The following GPX1 variants were observed in gnomAD, a reference collection of about 807,000 sequenced individuals.
GPX1 encodes GSHPx-1.
Under a neutral mutation model 11.5 loss-of-function variants are expected in GPX1, and 8 were observed. That is an observed-to-expected ratio of 0.70 (90% CI 0.41 to 1.25). GPX1 has a LOEUF of 1.25. Ranked by LOEUF, GPX1 falls within the 50% of genes most tolerant of loss-of-function variation. The pLI is 0.01. For synonymous variants in GPX1, 142 were observed against 127.8 expected (o/e 1.11, Z -0.75); for missense variants, 266 against 284.3 (o/e 0.94, Z 0.46).
In GPX1 at chr3:49,357,593, G is replaced by C; in HGVS notation, c.407C>G (p.Pro136Arg). 1 of 1,613,150 alleles carries C rather than the reference G, an allele frequency of 6.2e-7. No homozygotes were observed. The highest frequency in any genetic ancestry group is 8.5e-7 in the Non-Finnish European group (1 of 1,179,880). The part of the protein sequence containing the change: ...FAFLREALPA[P>R]SDDATALMTD... The stretch of plus-strand genomic sequence containing the variant: ...CATAAGCGCGGTGGCGTCGTCGCTG[G>C]GAGCTGGCAGGGCCTCCCGCAGGAA... Residue 136 changes from proline (P) to arginine (R), a missense_variant, in exon 2 of 2, where the codon CCC becomes CGC. Coordinates refer to ENST00000419783, the MANE Select transcript of GPX1 (RefSeq NM_000581.4).
At position 49,358,198 on chromosome 3, in the gene GPX1, C is replaced by A; in HGVS notation, c.81G>T (p.Gly27=). The A allele has an allele frequency of 1.3e-6, 2 of 1,562,058 alleles. No homozygotes were observed. The highest frequency in any genetic ancestry group is 1.7e-6 in the Non-Finnish European group (2 of 1,153,752). The part of the protein sequence containing the change: ...YAFSARPLAG[G]EPVSLGSLRG... ...GCAGGGAGCCCAGGCTCACAGGCTCCCCGCCGGCCAGCGGGCGCGCCGAGA... is the reference window on the plus strand; with the variant it reads ...GCAGGGAGCCCAGGCTCACAGGCTCACCGCCGGCCAGCGGGCGCGCCGAGA... The change falls in exon 1 of 2, where the codon GGG becomes GGT. Residue 27 remains glycine (G), a synonymous_variant. Transcript: ENST00000419783.
chr3:49,357,950 A>ACCCACCAGCACACCGCCTGC (rs1559489492), intron 1 of GPX1, 77 bp downstream of exon 1: 18 of 1,516,348 alleles, frequency 1.2e-5, no homozygotes, highest in Admixed American at 4.3e-5. Flanking sequence ...AGCCGACGGC[A>ACCCACCAGCACACCGCCTGC]CCCACCAGCA....
chr3:49,357,920 G>C (rs1575634232), intron 1 of GPX1, 107 bp downstream of exon 1: 1 of 1,495,544 alleles, frequency 6.7e-7, no homozygotes, highest in Non-Finnish European at 8.9e-7. Flanking sequence ...CGAGAGAGTA[G>C]CCAGACTCTC....
Position 49,357,579 on chromosome 3 carries a change from T to C in GPX1, c.421A>G (p.Thr141Ala), listed in dbSNP as rs745629022. The stretch of plus-strand genomic sequence containing the variant: ...AGCTTGGGGTCGGTCATAAGCGCGG[T>C]GGCGTCGTCGCTGGGAGCTGGCAGG... Reference protein sequence around the residue: ...EALPAPSDDATALMTDPKLIT... With the variant: ...EALPAPSDDAAALMTDPKLIT... Residue 141 changes from threonine (T) to alanine (A), a missense_variant, in exon 2 of 2, where the codon ACC (threonine) becomes GCC (alanine). Transcript: ENST00000419783. The C allele has an allele frequency of 1.2e-6, 2 of 1,611,866 alleles. No homozygotes were observed. The highest frequency in any genetic ancestry group is 1.7e-6 in the Non-Finnish European group (2 of 1,179,624).
intron 1 of GPX1, 101 bp downstream of exon 1, chr3:49,357,926 C>A: frequency 6.7e-7 from 1 of 1,500,872 alleles, no homozygotes; most frequent in East Asian, 2.4e-5. Context: ...AGTAGCCAGA[C>A]TCTCCGCGCA....
rs1019268907 is a variant in GPX1, at chr3:49,358,282, G to A, written c.-4C>T. ...CCGCTAGCCGAGCAGCACACATGGCGCAATTGTCCAAGAAGCCAGCGGAGC... is the reference window on the plus strand; with the variant it reads ...CCGCTAGCCGAGCAGCACACATGGCACAATTGTCCAAGAAGCCAGCGGAGC... On this transcript the variant is annotated 5_prime_UTR_variant, in exon 1 of 2. Coordinates refer to ENST00000419783, the MANE Select transcript of GPX1 (RefSeq NM_000581.4). 18 of 1,536,398 alleles carry A rather than the reference G, an allele frequency of 1.2e-5. No individual in the cohort carries two copies. The highest frequency in any genetic ancestry group is 2.4e-5 in the South Asian group (2 of 82,806).
chr3:49,357,327 T>C lies in GPX1; in HGVS notation c.*61A>G. ...GGTTTAGAGGAAACACCCTCATAGA[T>C]GAAAACCCCCCCGAGACAGCAGCAC... On this transcript the variant is annotated 3_prime_UTR_variant, in exon 2 of 2. Transcript: ENST00000419783. 1.2e-5 allele frequency: 18 copies of C among 1,515,758 alleles called. No individual in the cohort carries two copies. The highest frequency in any genetic ancestry group is 1.6e-5 in the Non-Finnish European group (18 of 1,111,894). The allele number at this position is 1,515,758 out of a possible 1,614,324, so 93.9% of individuals were successfully genotyped here. A position where few individuals can be genotyped will look rare whatever the true frequency, so the allele number is the denominator to read the frequency against.
chr3:49,357,727 C>G lies in GPX1; in HGVS notation c.273G>C (p.Glu91Asp). 6.2e-7 allele frequency: 1 copy of G among 1,607,074 alleles called. No homozygotes were observed. The highest frequency in any genetic ancestry group is 2.2e-5 in the East Asian group (1 of 44,678). Residue 91 changes from glutamate (E) to aspartate (D), a missense_variant, in exon 2 of 2, where the codon GAG becomes GAC. Coordinates refer to ENST00000419783, the MANE Select transcript of GPX1 (RefSeq NM_000581.4). Reference sequence around the variant, plus strand: ...GGACGTACTTGAGGGAATTCAGAATCTCTTCGTTCTTGGCGTTCTCCTACA... The same window carrying G: ...GGACGTACTTGAGGGAATTCAGAATGTCTTCGTTCTTGGCGTTCTCCTACA... The part of the protein sequence containing the change: ...FGHQENAKNE[E>D]ILNSLKYVRP...
rs1183063661 is a variant in GPX1 at position 49,358,285 on chromosome 3, A to G, written c.-7T>C. The G allele has an allele frequency of 2.3e-5, 35 of 1,535,062 alleles. No individual in the cohort carries two copies. Among genetic ancestry groups the G allele is most frequent in the Non-Finnish European group, 2.9e-5 (33 of 1,138,866 alleles). On this transcript the variant is annotated 5_prime_UTR_variant, in exon 1 of 2. Transcript: ENST00000419783. ...CTAGCCGAGCAGCACACATGGCGCA[A>G]TTGTCCAAGAAGCCAGCGGAGCGCC... is the stretch of plus-strand genomic sequence containing the variant.
At chr3:49,357,959 C>A (rs1559489517) in intron 1 of GPX1, 68 bp downstream of exon 1, 3 of 1,533,836 alleles carry the variant, frequency 2.0e-6, no homozygotes, top group Non-Finnish European at 2.6e-6. Flanking sequence ...CACCCACCAG[C>A]ACACCGCCGG....
chr3:49,357,196 T>G lies in GPX1; in HGVS notation c.*192A>C. On this transcript the variant is annotated 3_prime_UTR_variant, in exon 2 of 2. Coordinates refer to ENST00000419783, the MANE Select transcript of GPX1 (RefSeq NM_000581.4). ...CACAGTTCTGCTGACACCCGGCACT[T>G]TATTAGTGGGGAAACTCGCCTTGGT... 1.7e-6 allele frequency: 1 copy of G among 577,050 alleles called. No homozygotes were observed. Among genetic ancestry groups the G allele is most frequent in the Non-Finnish European group, 3.1e-6 (1 of 321,464 alleles). 35.7% of individuals were successfully genotyped at this position (577,050 alleles called of 1,614,324 possible).
In GPX1 at chr3:49,358,344, GCCT is replaced by G. The variant is rs1038728213; in HGVS notation, c.-69_-67del. 7 of 1,461,792 alleles carry G rather than the reference GCCT, an allele frequency of 4.8e-6. No homozygotes were observed. The highest frequency in any genetic ancestry group is 5.4e-6 in the Non-Finnish European group (6 of 1,102,644). 90.6% of individuals were successfully genotyped at this position (1,461,792 alleles called of 1,614,324 possible). On this transcript the variant is annotated 5_prime_UTR_variant, in exon 1 of 2. Transcript: ENST00000419783. Reference sequence around the variant, plus strand: ...GCACTGTAAGGGGAGGCCAGCAGGCGCCTCCTTTTAACTGGCCGGCGGCGGGTC... The same window carrying G: ...GCACTGTAAGGGGAGGCCAGCAGGCGCCTTTTAACTGGCCGGCGGCGGGTC...
At chr3:49,357,956 C>A (rs770106949) in intron 1 of GPX1, 71 bp downstream of exon 1, 1 of 1,532,306 alleles carries the variant, frequency 6.5e-7, no homozygotes, top group South Asian at 1.2e-5. Context: ...CGGCACCCAC[C>A]AGCACACCGC....
Position 49,357,651 on chromosome 3 carries a change from C to T in GPX1, c.349G>A (p.Val117Met). The change falls in exon 2 of 2, where the codon GTG becomes ATG. Residue 117 changes from valine to methionine, a missense_variant. Coordinates refer to ENST00000419783, the MANE Select transcript of GPX1 (RefSeq NM_000581.4). ...PNFMLFEKCE[V>M]NGAGAHPLFA... Reference sequence around the variant, plus strand: ...AGAGGGTGCGCCCCCGCACCGTTCACCTCGCACTTCTCGAAGAGCATGAAG... The same window carrying T: ...AGAGGGTGCGCCCCCGCACCGTTCATCTCGCACTTCTCGAAGAGCATGAAG... The T allele has an allele frequency of 1.9e-6, 3 of 1,613,630 alleles. No individual in the cohort carries two copies. Among genetic ancestry groups the T allele is most frequent in the Non-Finnish European group, 2.5e-6 (3 of 1,179,950 alleles).
chr3:49,358,281 C>G lies in GPX1; in HGVS notation c.-3G>C, dbSNP rs536748774. 5.2e-6 allele frequency: 8 copies of G among 1,536,506 alleles called. No individual in the cohort carries two copies. In the African/African-American group the frequency reaches 9.6e-5, roughly 18 times the overall value. Reference sequence around the variant, plus strand: ...GCCGCTAGCCGAGCAGCACACATGGCGCAATTGTCCAAGAAGCCAGCGGAG... The same window carrying G: ...GCCGCTAGCCGAGCAGCACACATGGGGCAATTGTCCAAGAAGCCAGCGGAG... On this transcript the variant is annotated 5_prime_UTR_variant, in exon 1 of 2. Transcript: ENST00000419783.
chr3:49,358,268 G>A lies in GPX1; in HGVS notation c.11C>T (p.Ala4Val). The A allele has an allele frequency of 6.5e-7, 1 of 1,541,322 alleles. No homozygotes were observed. The highest frequency in any genetic ancestry group is 8.8e-7 in the Non-Finnish European group (1 of 1,142,738). ...CGCCGCCGCCGCCGCCGCTAGCCGAGCAGCACACATGGCGCAATTGTCCAA... is the reference window on the plus strand; with the variant it reads ...CGCCGCCGCCGCCGCCGCTAGCCGAACAGCACACATGGCGCAATTGTCCAA... MCA[A>V]RLAAAAAAAQ... The change falls in exon 1 of 2, where the codon GCT becomes GTT. Residue 4 changes from alanine (A) to valine (V), a missense_variant. Physicochemically the swap from Ala to Val is moderately conservative, Grantham distance 64. Transcript: ENST00000419783.
Position 49,358,280 on chromosome 3 carries a change from G to A in GPX1, c.-2C>T, listed in dbSNP as rs1196455627. 5 of 1,537,226 alleles carry A rather than the reference G, an allele frequency of 3.3e-6. No homozygotes were observed. The highest frequency in any genetic ancestry group is 4.4e-6 in the Non-Finnish European group (5 of 1,140,120). On this transcript the variant is annotated 5_prime_UTR_variant, in exon 1 of 2. Coordinates refer to ENST00000419783, the MANE Select transcript of GPX1 (RefSeq NM_000581.4). ...CGCCGCTAGCCGAGCAGCACACATG[G>A]CGCAATTGTCCAAGAAGCCAGCGGA...
At chr3:49,357,922 C>T (rs1575634245) in intron 1 of GPX1, 105 bp downstream of exon 1, 1 of 1,504,416 alleles carries the variant, frequency 6.6e-7, no homozygotes, top group East Asian at 2.4e-5. Flanking sequence ...AGAGAGTAGC[C>T]AGACTCTCCG....
chr3:49,358,219 C>G lies in GPX1; in HGVS notation c.60G>C (p.Ser20=), dbSNP rs761624671. 6 of 1,543,218 alleles carry G rather than the reference C, an allele frequency of 3.9e-6. No homozygotes were observed. Among genetic ancestry groups the G allele is most frequent in the Non-Finnish European group, 5.2e-6 (6 of 1,146,134 alleles). Residue 20 remains serine, a synonymous_variant, in exon 1 of 2, where the codon TCG becomes TCC. Coordinates refer to ENST00000419783, the MANE Select transcript of GPX1 (RefSeq NM_000581.4). ...GCTCCCCGCCGGCCAGCGGGCGCGCCGAGAAGGCATACACCGACTGGGCCG... is the reference window on the plus strand; with the variant it reads ...GCTCCCCGCCGGCCAGCGGGCGCGCGGAGAAGGCATACACCGACTGGGCCG... ...AAAAQSVYAF[S]ARPLAGGEPV...
Sources: allele counts gnomAD v4.1 joint callset, GRCh38; gene constraint gnomAD v4.1.1; transcripts MANE v1.5; gene names NCBI Gene and HGNC (gene_info 2026-07-23, HGNC 2026-07-21).